The following CSTPP1 variants were observed in gnomAD, a reference collection of about 807,000 sequenced individuals.
CSTPP1 encodes the protein UPF0705 protein C11orf49.
chr11:47,153,192 C>A, the CSTPP1 span, among the ~76,000 whole-genome samples: 10 of 152,248 alleles, frequency 6.6e-5, no homozygotes, highest in East Asian at 1.7e-3. Context: ...CCTGGGTTTT[C>A]CTTGGGTTAT....
At chr11:47,046,017 C>G in the CSTPP1 span, among the ~76,000 whole-genome samples, 2 of 151,896 alleles carry the variant, frequency 1.3e-5, no homozygotes, top group Non-Finnish European at 2.9e-5. Flanking sequence ...GTACTCCTGA[C>G]TTCATGATGC....
chr11:47,077,268 C>T, the CSTPP1 span, among the ~76,000 whole-genome samples: 11 of 150,618 alleles, frequency 7.3e-5, no homozygotes, highest in African/African-American at 1.7e-4. Context: ...GGCCCAAACT[C>T]GGCTCACTGC....
chr11:47,096,742 A>T, the CSTPP1 span, among the ~76,000 whole-genome samples: 1 of 151,992 alleles, frequency 6.6e-6, no homozygotes, highest in South Asian at 2.1e-4. Flanking sequence ...AAAATTAATA[A>T]GTATGTTTCT....
chr11:46,974,893 C>T, the CSTPP1 span, among the ~76,000 whole-genome samples: 1,054 of 95,116 alleles, frequency 0.011, 8 homozygotes, highest in Non-Finnish European at 0.018. Context: ...CACACACACA[C>T]ACACACACAC....
chr11:47,079,195 G>A, the CSTPP1 span, among the ~76,000 whole-genome samples: 1 of 152,138 alleles, frequency 6.6e-6, no homozygotes, highest in African/African-American at 2.4e-5. Flanking sequence ...AGACTTAAAT[G>A]ACACAAAACA....
chr11:46,999,818 T>C, the CSTPP1 span, among the ~76,000 whole-genome samples: 2 of 152,240 alleles, frequency 1.3e-5, no homozygotes, highest in African/African-American at 2.4e-5. Flanking sequence ...AAATTGTATT[T>C]GGAAGGCTTC....
At chr11:47,052,770 G>T in the CSTPP1 span, 1 of 348,430 alleles carries the variant, frequency 2.9e-6, no homozygotes, top group Non-Finnish European at 5.2e-6. Context: ...TACCTATTAA[G>T]AGCCAAGTGT....
chr11:47,122,069 C>A, the CSTPP1 span, among the ~76,000 whole-genome samples: 223 of 22,006 alleles, frequency 0.01, 24 homozygotes, highest in African/African-American at 0.043. Context: ...GACCCTGTCT[C>A]AAAAAAAAAA....
the CSTPP1 span, among the ~76,000 whole-genome samples, chr11:47,138,620 C>G: frequency 6.6e-6 from 1 of 152,176 alleles, no homozygotes; most frequent in South Asian, 2.1e-4. Flanking sequence ...CACCATCATT[C>G]ACAATTTTTA....
the CSTPP1 span, among the ~76,000 whole-genome samples, chr11:47,031,051 T>G: frequency 6.6e-6 from 1 of 152,262 alleles, no homozygotes; most frequent in Non-Finnish European, 1.5e-5. Flanking sequence ...TGGTTACATT[T>G]ATATTTAATT....
chr11:47,045,898 T>C, the CSTPP1 span, among the ~76,000 whole-genome samples: 5 of 152,110 alleles, frequency 3.3e-5, no homozygotes, highest in Non-Finnish European at 5.9e-5. Flanking sequence ...GCAATTCTCC[T>C]GCCTCAGCCT....
the CSTPP1 span, among the ~76,000 whole-genome samples, chr11:47,138,590 C>T: frequency 1.1e-4 from 17 of 152,190 alleles, no homozygotes; most frequent in Non-Finnish European, 2.5e-4. Context: ...TTAGAAGCCC[C>T]TAATTTCTGT....
the CSTPP1 span, among the ~76,000 whole-genome samples, chr11:46,951,946 A>G: frequency 6.6e-6 from 1 of 152,038 alleles, no homozygotes; most frequent in Non-Finnish European, 1.5e-5. Flanking sequence ...AATGTTTCCT[A>G]CTGAGTCAGT....
At chr11:46,960,899 C>G in the CSTPP1 span, among the ~76,000 whole-genome samples, 1 of 151,968 alleles carries the variant, frequency 6.6e-6, no homozygotes, top group Non-Finnish European at 1.5e-5. Flanking sequence ...TAGGGTATTT[C>G]AGCACTTCAT....
chr11:47,157,995 C>A, the CSTPP1 span: 1 of 1,357,050 alleles, frequency 7.4e-7, no homozygotes, highest in Non-Finnish European at 1.0e-6. Context: ...CTGTTAGCAA[C>A]ACGGCTCCAG....
At chr11:47,082,534 ATTT>A in the CSTPP1 span, among the ~76,000 whole-genome samples, 1 of 152,192 alleles carries the variant, frequency 6.6e-6, no homozygotes, top group African/African-American at 2.4e-5. Flanking sequence ...TTTAAAAATT[ATTT>A]TTAATAACTA....
At chr11:47,159,116 C>T in the CSTPP1 span, among the ~76,000 whole-genome samples, 1 of 152,222 alleles carries the variant, frequency 6.6e-6, no homozygotes, top group Non-Finnish European at 1.5e-5. Context: ...CCACCCACAG[C>T]CTGGTTATTC....
chr11:47,060,174 C>T, the CSTPP1 span, among the ~76,000 whole-genome samples: 1 of 151,302 alleles, frequency 6.6e-6, no homozygotes, highest in African/African-American at 2.4e-5. Context: ...CACACAAGGC[C>T]ACAGCGCTTA....
chr11:46,954,465 C>T, the CSTPP1 span, among the ~76,000 whole-genome samples: 3 of 152,066 alleles, frequency 2.0e-5, no homozygotes, highest in Non-Finnish European at 4.4e-5. Context: ...AGGAGAATCG[C>T]TTGAACCCTG....
Sources: allele counts gnomAD v4.1 joint callset (sites outside exome capture counted in the v4.1 genomes callset), GRCh38; gene constraint gnomAD v4.1.1; transcripts MANE v1.5; gene names NCBI Gene and HGNC (gene_info 2026-07-23, HGNC 2026-07-21).